Variants in TLK2 observed in about 807,000 individuals in gnomAD.
TLK2 encodes the protein tousled like kinase 2.
In TLK2, 6 loss-of-function variants were observed where a neutral mutation model predicts 117.3. That is an observed-to-expected ratio of 0.05 (90% confidence interval 0.03 to 0.10). TLK2 has a LOEUF of 0.10. Among genes scored for constraint, TLK2 ranks in the 10% least tolerant of loss-of-function variants. The pLI, the probability that TLK2 is intolerant of heterozygous loss-of-function variation, is 1.00. For synonymous variants in TLK2, 257 were observed against 316.7 expected, an observed-to-expected ratio of 0.81 and a Z score of 2.00; for missense variants, 299 against 901.2, an observed-to-expected ratio of 0.33 and a Z score of 8.56.
At chr17:62,525,251 T>C (rs1236732353) in intron 6 of TLK2, among the ~76,000 whole-genome samples, 1 of 152,188 alleles carries the variant, frequency 6.6e-6, no homozygotes, top group Non-Finnish European at 1.5e-5. Flanking sequence ...AGTTGTGTAA[T>C]AGTACTCATT....
intron 8 of TLK2, 85 bp downstream of exon 8, chr17:62,552,482 T>C: frequency 2.5e-6 from 4 of 1,591,370 alleles, no homozygotes. Context: ...CATTCTTCTC[T>C]GACTTCTCTG....
intron 16 of TLK2, among the ~76,000 whole-genome samples, chr17:62,595,480 A>G (rs1397990574): frequency 6.6e-6 from 1 of 152,022 alleles, no homozygotes; most frequent in Admixed American, 6.6e-5. Flanking sequence ...CAGCATCACC[A>G]CAAGCGCGAG....
At chr17:62,548,240 A>ATATGTGTGTGTG (rs368516607) in intron 7 of TLK2, among the ~76,000 whole-genome samples, 91 of 121,294 alleles carry the variant, frequency 7.5e-4, no homozygotes, top group East Asian at 6.0e-3. Flanking sequence ...ATATATATAT[A>ATATGTGTGTGTG]TGTGTGTGTG....
intron 7 of TLK2, among the ~76,000 whole-genome samples, chr17:62,538,033 GT>G (rs57512334): frequency 8.9e-4 from 95 of 106,174 alleles, no homozygotes; most frequent in African/African-American, 2.6e-3. Context: ...TTAAATCTTT[GT>G]TTTTTTTTTT....
At chr17:62,608,948 G>A (rs2083517835) in intron 21 of TLK2, among the ~76,000 whole-genome samples, 1 of 152,204 alleles carries the variant, frequency 6.6e-6, no homozygotes, top group Admixed American at 6.5e-5. Flanking sequence ...GATTCTAGTA[G>A]CCAGCCTACT....
At chr17:62,472,133 C>T (rs1242333809) in intron 1 of TLK2, among the ~76,000 whole-genome samples, 3 of 151,160 alleles carry the variant, frequency 2.0e-5, no homozygotes, top group Non-Finnish European at 4.4e-5. Context: ...GTCTTGATCT[C>T]CTGACCTCGT....
intron 2 of TLK2, among the ~76,000 whole-genome samples, chr17:62,510,998 AG>A (rs2145241202): frequency 6.6e-6 from 1 of 152,342 alleles, no homozygotes; most frequent in African/African-American, 2.4e-5. Context: ...AGAGATTGGC[AG>A]GAAGTTGCAC....
intron 2 of TLK2, among the ~76,000 whole-genome samples, chr17:62,486,602 G>GT (rs1219930297): frequency 6.6e-6 from 1 of 152,160 alleles, no homozygotes; most frequent in East Asian, 1.9e-4. Flanking sequence ...CCTTTTGACA[G>GT]TTTAAGTACA....
intron 19 of TLK2, among the ~76,000 whole-genome samples, chr17:62,603,476 C>A (rs2083025987): frequency 6.6e-6 from 1 of 151,948 alleles, no homozygotes; most frequent in African/African-American, 2.4e-5. Flanking sequence ...CAGGTCTATA[C>A]CTCTGCTATA....
intron 2 of TLK2, among the ~76,000 whole-genome samples, chr17:62,485,805 GTAATT>G (rs1374905733): frequency 1.6e-4 from 23 of 145,698 alleles, no homozygotes; most frequent in Non-Finnish European, 3.2e-4. Context: ...TGTGAACCTA[GTAATT>G]TTCTGGTTTT....
At chr17:62,514,642 G>A (rs974909338) in intron 2 of TLK2, among the ~76,000 whole-genome samples, 4 of 150,102 alleles carry the variant, frequency 2.7e-5, no homozygotes, top group Admixed American at 6.7e-5. Flanking sequence ...GCAGTGGCGC[G>A]ATCTTGGATC....
At chr17:62,496,954 C>A in intron 2 of TLK2, among the ~76,000 whole-genome samples, 1 of 131,498 alleles carries the variant, frequency 7.6e-6, no homozygotes. Flanking sequence ...GAGACTCCAT[C>A]TCAAAAAAAA....
chr17:62,502,908 T>C (rs1389010331), intron 2 of TLK2, among the ~76,000 whole-genome samples: 2 of 152,188 alleles, frequency 1.3e-5, no homozygotes, highest in African/African-American at 4.8e-5. Context: ...TAAGCATGTC[T>C]TTATAAACAT....
chr17:62,518,722 A>G (rs542023727), intron 2 of TLK2, among the ~76,000 whole-genome samples: 1 of 152,236 alleles, frequency 6.6e-6, no homozygotes, highest in African/African-American at 2.4e-5. Flanking sequence ...AAAAAGAAAG[A>G]AAGGAAAAGA....
intron 21 of TLK2, among the ~76,000 whole-genome samples, chr17:62,609,405 T>G (rs1222790639): frequency 6.6e-6 from 1 of 152,216 alleles, no homozygotes; most frequent in Non-Finnish European, 1.5e-5. Flanking sequence ...AATCTCTTTC[T>G]TCGGTGTTTG....
chr17:62,512,423 A>G (rs2075224589), intron 2 of TLK2, among the ~76,000 whole-genome samples: 1 of 151,750 alleles, frequency 6.6e-6, no homozygotes, highest in African/African-American at 2.4e-5. Context: ...GGGTTTCTCC[A>G]CGTTGGTCAG....
At chr17:62,538,163 G>T (rs2077250063) in intron 7 of TLK2, among the ~76,000 whole-genome samples, 1 of 150,022 alleles carries the variant, frequency 6.7e-6, no homozygotes, top group Non-Finnish European at 1.5e-5. Flanking sequence ...AGCCTCCCGA[G>T]TAGCTGGGAC....
chr17:62,521,659 A>G (rs560292822), intron 3 of TLK2, among the ~76,000 whole-genome samples: 1 of 152,234 alleles, frequency 6.6e-6, no homozygotes, highest in South Asian at 2.1e-4. Context: ...TGCTGGGATT[A>G]CAGACATGAG....
chr17:62,547,573 C>T (rs1208746470), intron 7 of TLK2, among the ~76,000 whole-genome samples: 4 of 152,182 alleles, frequency 2.6e-5, no homozygotes, highest in Admixed American at 6.5e-5. Flanking sequence ...TGCTTCCCAA[C>T]TGAGGAATTT....
Sources: gnomAD v4.1 joint callset for allele counts (sites outside exome capture counted in the v4.1 genomes callset) on GRCh38, gnomAD v4.1.1 for gene constraint, MANE v1.5 for transcripts, NCBI Gene and HGNC (gene_info 2026-07-23, HGNC 2026-07-21) for gene names.